ZFYVE27: variants seen among roughly 807,000 people sequenced by gnomAD.
The protein encoded by ZFYVE27 is zinc finger FYVE-type containing 27.
ZFYVE27 carries 36 observed loss-of-function variants against 52.8 expected under a neutral mutation model. The observed-to-expected ratio is 0.68, with a 90% CI of 0.52 to 0.90. ZFYVE27 has a LOEUF of 0.90. Ranked by LOEUF, ZFYVE27 falls within the 40% of genes least tolerant of loss-of-function variation. The pLI, the probability that ZFYVE27 is intolerant of heterozygous loss-of-function variation, is 0.00. For missense variants in ZFYVE27, 450 were observed against 527.2 expected (o/e 0.85, Z 1.43); for synonymous variants, 223 against 215.6 (o/e 1.03, Z -0.30).
Position 97,749,481 on chromosome 10 carries a change from G to C in ZFYVE27, c.559G>C (p.Gly187Arg). 12 of 1,613,932 alleles carry C rather than the reference G, an allele frequency of 7.4e-6. No homozygotes were observed. The highest frequency in any genetic ancestry group is 1.0e-5 in the Non-Finnish European group (12 of 1,179,830). Residue 187 changes from glycine (G) to arginine (R), a missense_variant, in exon 6 of 13, where the codon GGG becomes CGG. By Grantham distance (125) the Gly-to-Arg change is moderately radical. Transcript: ENST00000684270. ...ENPVVSSQFY[G>R]ALLGTVCMLY... ...TTCTTCCCTGTCATCCAGGTTCTAT[G>C]GGGCTCTTCTGGGCACAGTCTGCAT...
intron 2 of ZFYVE27, 121 bp from the exon 3 acceptor site, chr10:97,742,973 C>T: frequency 1.8e-6 from 2 of 1,111,642 alleles, no homozygotes; most frequent in East Asian, 4.7e-5. Context: ...TTTCGTTTCT[C>T]CTTGACCTTC....
At position 97,760,817 on chromosome 10, in the gene ZFYVE27, G is replaced by T. The variant is rs41290466; in HGVS notation, c.*1517G>T. The T allele has an allele frequency of 1.3e-5, 2 of 152,244 alleles. No individual in the cohort carries two copies. The highest frequency in any genetic ancestry group is 4.1e-4 in the South Asian group (2 of 4,830). The allele number at this position is 152,244 out of a possible 1,614,324, so 9.4% of individuals were successfully genotyped here. A position where few individuals can be genotyped will look rare whatever the true frequency, so the allele number is the denominator to read the frequency against. ...TTAAGAGAGGAGAGTTCAGTACCCC[G>T]TGCTTTCTTTACACTGGAGAGGAAC... On this transcript the variant is annotated 3_prime_UTR_variant, in exon 13 of 13. Transcript: ENST00000684270.
rs983961368 is a variant in ZFYVE27, at chr10:97,753,300, CAA to C, written c.1042+119_1042+120del. The C allele has an allele frequency of 1.7e-5, 24 of 1,445,006 alleles. No homozygotes were observed. In the African/African-American group the frequency reaches 2.8e-4, roughly 17 times the overall value. The allele number at this position is 1,445,006 out of a possible 1,614,324, so 89.5% of individuals were successfully genotyped here. A position where few individuals can be genotyped will look rare whatever the true frequency, so the allele number is the denominator to read the frequency against. On this transcript the variant is annotated intron_variant, in intron 10 of 12. Transcript: ENST00000684270. ...CAGAACTGTGGGTACTGACTTGTGACAAGAGCAGGGAGTGAAGGTGTGTCCGC... is the reference window on the plus strand; with the variant it reads ...CAGAACTGTGGGTACTGACTTGTGACGAGCAGGGAGTGAAGGTGTGTCCGC...
Position 97,759,364 on chromosome 10 carries a change from C to A in ZFYVE27, c.*64C>A. On this transcript the variant is annotated 3_prime_UTR_variant, in exon 13 of 13. Coordinates refer to ENST00000684270, the MANE Select transcript of ZFYVE27 (RefSeq NM_001385875.1). ...GACCAGCAGTAGACCCCCCACTCTC[C>A]CCACCCCTGGCCCACTGTGGTGTGT... The A allele has an allele frequency of 6.4e-7, 1 of 1,571,940 alleles. No homozygotes were observed. Among genetic ancestry groups the A allele is most frequent in the Non-Finnish European group, 8.8e-7 (1 of 1,142,386 alleles).
chr10:97,741,868 C>T (rs943210708), intron 2 of ZFYVE27, among the ~76,000 whole-genome samples: 2 of 152,190 alleles, frequency 1.3e-5, no homozygotes, highest in Non-Finnish European at 2.9e-5. Context: ...CGGTAGCTTA[C>T]GCCTTTAATC....
chr10:97,749,549 C>T lies in ZFYVE27; in HGVS notation c.627C>T (p.Asn209=). The T allele has an allele frequency of 6.2e-7, 1 of 1,614,214 alleles. No individual in the cohort carries two copies. The highest frequency in any genetic ancestry group is 8.5e-7 in the Non-Finnish European group (1 of 1,180,026). ...LPLCWVLTLL[N]STLFLGNVEF... Reference sequence around the variant, plus strand: ...TCTGCTGGGTTCTCACCCTTTTAAACAGCACGCTCTTTCTGGGGAATGTGG... The same window carrying T: ...TCTGCTGGGTTCTCACCCTTTTAAATAGCACGCTCTTTCTGGGGAATGTGG... Residue 209 remains asparagine, a synonymous_variant, in exon 6 of 13, where the codon AAC becomes AAT. Coordinates refer to ENST00000684270, the MANE Select transcript of ZFYVE27 (RefSeq NM_001385875.1).
At chr10:97,749,444 C>T (rs759382355) in intron 5 of ZFYVE27, 30 bp from the exon 6 acceptor site, 20 of 1,576,026 alleles carry the variant, frequency 1.3e-5, no homozygotes, top group Non-Finnish European at 1.7e-5. Flanking sequence ...TTACGAATTT[C>T]TGATCTTGTG....
chr10:97,756,461 G>A (rs1391752390), intron 10 of ZFYVE27, among the ~76,000 whole-genome samples: 2 of 152,186 alleles, frequency 1.3e-5, no homozygotes, highest in Non-Finnish European at 2.9e-5. Flanking sequence ...AGTGAGGCCT[G>A]GTGCTCTGTA....
rs145356389 is a variant in ZFYVE27, at chr10:97,743,134, C to T, written c.238C>T (p.Leu80Phe). The change falls in exon 3 of 13, where the codon CTC becomes TTC. Residue 80 changes from leucine (L) to phenylalanine (F), a missense_variant. Transcript: ENST00000684270. ...GTGTTCCTTGCTGACCTGCCTGGGC[C>T]TCAACGTCTTGTTCCTCACTTTGAA... ...PLCSLLTCLG[L>F]NVLFLTLNEG... 541 of 1,614,188 alleles carry T rather than the reference C, an allele frequency of 3.4e-4. 3 individuals are homozygous for T. The African/African-American group carries it at 6.7e-3, about 20-fold the overall frequency.
chr10:97,757,415 T>C, intron 11 of ZFYVE27, 104 bp downstream of exon 11: 1 of 1,549,936 alleles, frequency 6.5e-7, no homozygotes, highest in Non-Finnish European at 8.9e-7. Flanking sequence ...CGGGTCACAT[T>C]GGGCCTGGCA....
At chr10:97,756,734 T>C (rs1455910550) in intron 10 of ZFYVE27, among the ~76,000 whole-genome samples, 1 of 152,250 alleles carries the variant, frequency 6.6e-6, no homozygotes, top group Non-Finnish European at 1.5e-5. Flanking sequence ...TTCGTGTCTT[T>C]ACAGTTGAGC....
chr10:97,754,345 CTG>C (rs1291098298), intron 10 of ZFYVE27, among the ~76,000 whole-genome samples: 3 of 146,234 alleles, frequency 2.1e-5, no homozygotes, highest in East Asian at 4.0e-4. Flanking sequence ...CAAGGTCTCA[CTG>C]TGTCTCCCAG....
Position 97,760,762 on chromosome 10 carries a change from G to T in ZFYVE27, c.*1462G>T, listed in dbSNP as rs1379922984. ...GCCACAGCCCTGGGGAGCCAGACAG[G>T]CTTTGGTATCGTATCGCCTCTGTGT... On this transcript the variant is annotated 3_prime_UTR_variant, in exon 13 of 13. Transcript: ENST00000684270. 1.3e-4 allele frequency: 20 copies of T among 152,272 alleles called. No individual in the cohort carries two copies. The highest frequency in any genetic ancestry group is 1.3e-3 in the Admixed American group (20 of 15,288). 9.4% of individuals were successfully genotyped at this position (152,272 alleles called of 1,614,324 possible). A position where few individuals can be genotyped will look rare whatever the true frequency, so the allele number is the denominator to read the frequency against.
chr10:97,752,778 G>C, intron 8 of ZFYVE27, 79 bp from the exon 9 acceptor site: 1 of 1,539,274 alleles, frequency 6.5e-7, no homozygotes, highest in Non-Finnish European at 8.8e-7. Flanking sequence ...CTGCTTGGGG[G>C]CCCCTCCAGG....
intron 6 of ZFYVE27, 108 bp from the exon 7 acceptor site, chr10:97,750,223 T>G: frequency 7.1e-7 from 1 of 1,411,104 alleles, no homozygotes; most frequent in East Asian, 2.3e-5. Context: ...GACTCTTTCC[T>G]GTAGTGAAGG....
Position 97,757,311 on chromosome 10 carries a change from GGTGA to G in ZFYVE27, c.1089+4_1089+7del. The G allele has an allele frequency of 1.2e-6, 2 of 1,614,130 alleles. No homozygotes were observed. Among genetic ancestry groups the G allele is most frequent in the African/African-American group, 1.3e-5 (1 of 75,040 alleles). Reference sequence around the variant, plus strand: ...CCACCTTCTCAGTGCTGAAGAAGAGGGTGAGTGTCTGTGAGGGTGCATTTGTTGG... The same window carrying G: ...CCACCTTCTCAGTGCTGAAGAAGAGGGTGTCTGTGAGGGTGCATTTGTTGG... On this transcript the variant is annotated splice_donor_variant and splice_donor_region_variant and intron_variant, in intron 11 of 12. Coordinates refer to ENST00000684270, the MANE Select transcript of ZFYVE27 (RefSeq NM_001385875.1). LOFTEE classifies it high-confidence loss of function.
intron 7 of ZFYVE27, 84 bp from the exon 8 acceptor site, chr10:97,751,307 G>T: frequency 1.3e-6 from 2 of 1,487,980 alleles, no homozygotes; most frequent in Non-Finnish European, 1.9e-6. Context: ...GGGTAGCCTG[G>T]ATGCTGGCTT....
Position 97,744,782 on chromosome 10 carries a change from T to A in ZFYVE27, c.322T>A (p.Tyr108Asn). 1 of 1,614,094 alleles carries A rather than the reference T, an allele frequency of 6.2e-7. No homozygotes were observed. Among genetic ancestry groups the A allele is most frequent in the African/African-American group, 1.3e-5 (1 of 75,074 alleles). ...GATTTCAGTGCCCGCCCTGCTGGGC[T>A]ACCTTCAGGAGGTTTGCCGGGCACG... ...LMISVPALLG[Y>N]LQEVCRARLP... is the part of the protein sequence containing the mutation. The change falls in exon 4 of 13, where the codon TAC (tyrosine) becomes AAC (asparagine). Residue 108 changes from tyrosine to asparagine, a missense_variant. Tyr to Asn is a moderately radical substitution (Grantham distance 143). Coordinates refer to ENST00000684270, the MANE Select transcript of ZFYVE27 (RefSeq NM_001385875.1).
At chr10:97,742,394 C>T (rs573540749) in intron 2 of ZFYVE27, among the ~76,000 whole-genome samples, 6 of 152,272 alleles carry the variant, frequency 3.9e-5, no homozygotes, top group African/African-American at 1.4e-4. Flanking sequence ...GGGGCTTCTG[C>T]ATTGCCATTT....
Sources: allele counts gnomAD v4.1 joint callset (sites outside exome capture counted in the v4.1 genomes callset), GRCh38; gene constraint gnomAD v4.1.1; transcripts MANE v1.5; gene names NCBI Gene and HGNC (gene_info 2026-07-23, HGNC 2026-07-21).